The following PDZRN4 variants were observed in gnomAD, a reference collection of about 807,000 sequenced individuals.
The protein encoded by PDZRN4 is PDZ domain containing ring finger 4.
Under a neutral mutation model 99.0 loss-of-function variants are expected in PDZRN4, and 70 were observed. The observed-to-expected ratio is 0.71, with a 90% CI of 0.58 to 0.86. The LOEUF is 0.86. Ranked by LOEUF, PDZRN4 falls within the 40% of genes least tolerant of loss-of-function variation. The pLI, the probability that PDZRN4 is intolerant of heterozygous loss-of-function variation, is 0.00. For synonymous variants in PDZRN4, 551 were observed against 501.6 expected, an observed-to-expected ratio of 1.10 and a Z score of -1.32; for missense variants, 1,474 against 1,331.2, an observed-to-expected ratio of 1.11 and a Z score of -1.67.
chr12:41,498,626 T>C (rs1381473854), intron 3 of PDZRN4, among the ~76,000 whole-genome samples: 3 of 152,106 alleles, frequency 2.0e-5, no homozygotes, highest in Admixed American at 1.3e-4. Flanking sequence ...TAATCACCTC[T>C]GAACGTTTTC....
intron 3 of PDZRN4, among the ~76,000 whole-genome samples, chr12:41,458,179 T>G (rs1470750943): frequency 6.6e-6 from 1 of 152,134 alleles, no homozygotes; most frequent in Non-Finnish European, 1.5e-5. Flanking sequence ...GTATGTGAGA[T>G]GGAGTTTCGC....
At chr12:41,497,317 T>A (rs1169655238) in intron 3 of PDZRN4, among the ~76,000 whole-genome samples, 1 of 152,138 alleles carries the variant, frequency 6.6e-6, no homozygotes, top group Non-Finnish European at 1.5e-5. Context: ...ATGAAATAAT[T>A]TGAGTTTATT....
intron 3 of PDZRN4, among the ~76,000 whole-genome samples, chr12:41,315,601 T>G (rs181131740): frequency 6.6e-6 from 1 of 152,266 alleles, no homozygotes; most frequent in African/African-American, 2.4e-5. Context: ...AAATTATAAA[T>G]GCAGTTTTGA....
At chr12:41,250,382 T>G (rs1033733470) in intron 3 of PDZRN4, among the ~76,000 whole-genome samples, 6 of 152,210 alleles carry the variant, frequency 3.9e-5, no homozygotes, top group African/African-American at 1.4e-4. Flanking sequence ...CCATCTTGCT[T>G]TCTTTTAATA....
At chr12:41,226,415 T>A (rs1417969933) in intron 3 of PDZRN4, among the ~76,000 whole-genome samples, 1 of 151,988 alleles carries the variant, frequency 6.6e-6, no homozygotes, top group Admixed American at 6.6e-5. Flanking sequence ...GATTTTGGGG[T>A]TTTGTTCACT....
At chr12:41,276,429 AC>A (rs1381503316) in intron 3 of PDZRN4, among the ~76,000 whole-genome samples, 6 of 152,068 alleles carry the variant, frequency 3.9e-5, no homozygotes, top group African/African-American at 1.4e-4. Context: ...ATTCAGATAG[AC>A]CTGGGGATTA....
intron 3 of PDZRN4, chr12:41,473,584 A>T (rs1953013226): frequency 6.6e-6 from 1 of 152,176 alleles, no homozygotes; most frequent in Non-Finnish European, 1.5e-5. Context: ...GCCCCATGGA[A>T]ACTGCACACA....
intron 3 of PDZRN4, among the ~76,000 whole-genome samples, chr12:41,288,952 A>T (rs730760): frequency 6.6e-6 from 1 of 151,758 alleles, no homozygotes; most frequent in Non-Finnish European, 1.5e-5. Context: ...CTGAGAATAC[A>T]CACCTGAAAT....
At chr12:41,384,831 C>A (rs1354906487) in intron 3 of PDZRN4, among the ~76,000 whole-genome samples, 1 of 152,144 alleles carries the variant, frequency 6.6e-6, no homozygotes, top group African/African-American at 2.4e-5. Flanking sequence ...GAAGTAACAG[C>A]AATGCCCAAC....
intron 3 of PDZRN4, among the ~76,000 whole-genome samples, chr12:41,502,865 A>C (rs1479072114): frequency 1.3e-5 from 2 of 152,104 alleles, no homozygotes; most frequent in African/African-American, 4.8e-5. Context: ...AACACCAAAT[A>C]TCTGTTATTG....
chr12:41,286,331 T>C (rs964436467), intron 3 of PDZRN4, among the ~76,000 whole-genome samples: 4 of 115,414 alleles, frequency 3.5e-5, no homozygotes, highest in Non-Finnish European at 7.1e-5. Flanking sequence ...ATTTTCCTTC[T>C]TCTTCTTTTT....
chr12:41,430,442 C>A (rs1316184216), intron 3 of PDZRN4, among the ~76,000 whole-genome samples: 1 of 150,764 alleles, frequency 6.6e-6, no homozygotes, highest in Admixed American at 6.6e-5. Context: ...GCACTCCAGC[C>A]CGGTGACAGA....
intron 5 of PDZRN4, among the ~76,000 whole-genome samples, chr12:41,535,559 T>A (rs1372483172): frequency 6.6e-6 from 1 of 152,208 alleles, no homozygotes; most frequent in South Asian, 2.1e-4. Flanking sequence ...ACTGTTTGAA[T>A]GTGTCCCCCA....
intron 3 of PDZRN4, among the ~76,000 whole-genome samples, chr12:41,365,128 T>C (rs1334772295): frequency 6.6e-6 from 1 of 152,058 alleles, no homozygotes; most frequent in Non-Finnish European, 1.5e-5. Flanking sequence ...AAAACTTAAA[T>C]TTGTGTCAGG....
intron 3 of PDZRN4, among the ~76,000 whole-genome samples, chr12:41,306,994 CCTTT>C (rs1265134017): frequency 6.6e-6 from 1 of 152,162 alleles, no homozygotes; most frequent in African/African-American, 2.4e-5. Context: ...CTCTCTCTTT[CCTTT>C]CTGAGTCCTC....
intron 3 of PDZRN4, among the ~76,000 whole-genome samples, chr12:41,223,164 A>G (rs1244628300): frequency 1.3e-5 from 2 of 152,168 alleles, no homozygotes; most frequent in Admixed American, 6.5e-5. Flanking sequence ...CTTAGACTCT[A>G]TGAGAAGCAA....
At chr12:41,207,722 T>A (rs1306509002) in intron 3 of PDZRN4, among the ~76,000 whole-genome samples, 1 of 151,822 alleles carries the variant, frequency 6.6e-6, no homozygotes, top group African/African-American at 2.4e-5. Flanking sequence ...ACAAACACAT[T>A]GGTGCAATTA....
chr12:41,349,757 A>T (rs1311400294), intron 3 of PDZRN4, among the ~76,000 whole-genome samples: 1 of 152,072 alleles, frequency 6.6e-6, no homozygotes, highest in Non-Finnish European at 1.5e-5. Context: ...TGTATTAAAT[A>T]CATAATTACA....
intron 3 of PDZRN4, among the ~76,000 whole-genome samples, chr12:41,210,448 T>C (rs1244929141): frequency 2.6e-5 from 4 of 152,014 alleles, no homozygotes; most frequent in African/African-American, 7.2e-5. Context: ...TGTTAAATTA[T>C]TATTGATATC....
Sources: allele counts gnomAD v4.1 joint callset (sites outside exome capture counted in the v4.1 genomes callset), GRCh38; gene constraint gnomAD v4.1.1; transcripts MANE v1.5; gene names NCBI Gene and HGNC (gene_info 2026-07-23, HGNC 2026-07-21).